The following TMEM63A variants were observed in gnomAD, a reference collection of about 807,000 sequenced individuals.
TMEM63A encodes the protein mechanosensitive cation channel TMEM63A.
TMEM63A carries 76 observed loss-of-function variants against 100.6 expected under a neutral mutation model. That is an observed-to-expected ratio of 0.76 (90% CI 0.63 to 0.91). TMEM63A has a LOEUF of 0.91. Ranked by LOEUF, TMEM63A falls within the 40% of genes least tolerant of loss-of-function variation. The probability of loss-of-function intolerance (pLI) is 0.00; values close to 1 mark genes in which losing one functional copy is unlikely to be tolerated. For missense variants in TMEM63A, 876 were observed against 1,008.8 expected (o/e 0.87, Z 1.78); for synonymous variants, 401 against 401.1 (o/e 1.00, Z 0.00).
At chr1:225,882,072 G>A (rs116269297) in intron 1 of TMEM63A, among the ~76,000 whole-genome samples, 2,518 of 152,354 alleles carry the variant, frequency 0.017, 69 homozygotes, top group African/African-American at 0.057. Context: ...AAAAGCCGGA[G>A]AGGAAAGTCC....
In TMEM63A at chr1:225,849,918, G is replaced by A. The variant is rs762379887; in HGVS notation, c.2065C>T (p.Arg689Cys). ...LFWLYFFSFL[R>C]LGMKAPATLF... ...GGTCAGAAGGGCTGCTCACCCAGGC[G>A]CAGGAAGGAAAAGAAGTAGAGCCAG... is the stretch of plus-strand genomic sequence containing the variant. The change falls in exon 21 of 25, where the codon CGC (arginine) becomes TGC (cysteine). Residue 689 changes from arginine (R) to cysteine (C), a missense_variant. This residue lies in a region of TMEM63A where 339 missense variants were observed against 342.3 expected (regional missense o/e 0.99). Coordinates refer to ENST00000366835, the MANE Select transcript of TMEM63A (RefSeq NM_014698.3). 1.2e-5 allele frequency: 19 copies of A among 1,613,744 alleles called. No homozygotes were observed. The highest frequency in any genetic ancestry group is 7.7e-5 in the South Asian group (7 of 91,056).
At position 225,853,718 on chromosome 1, in the gene TMEM63A, T is replaced by A. The variant is rs1325223958; in HGVS notation, c.1708A>T (p.Met570Leu). ...VIASAFIGNGMELLRLPGLIL... is the reference protein window; with the variant it reads ...VIASAFIGNGLELLRLPGLIL... ...AGACCTGGCAGCCGCAGCAGCTCCA[T>A]GCCATTGCCGATGAAGGCCGAGGCG... Residue 570 changes from methionine to leucine, a missense_variant, in exon 19 of 25, where the codon ATG becomes TTG. Met to Leu is a conservative substitution (Grantham distance 15, BLOSUM62 2). Around this residue, in one of 5 missense-constraint regions of TMEM63A, gnomAD observed 339 missense variants for 342.3 expected, o/e 0.99. Transcript: ENST00000366835. This position sits in a 1 kb window ranked among gnomAD's most constrained non-coding sequence, Gnocchi z 4.0. 12 of 1,601,104 alleles carry A rather than the reference T, an allele frequency of 7.5e-6. No individual in the cohort carries two copies. The highest frequency in any genetic ancestry group is 2.3e-5 in the East Asian group (1 of 44,428).
At chr1:225,847,400 G>C in intron 23 of TMEM63A, 187 bp from the exon 24 acceptor site, 1 of 653,498 alleles carries the variant, frequency 1.5e-6, no homozygotes, top group Non-Finnish European at 2.5e-6. Context: ...AGCAGCCAGG[G>C]CAAAAGAGAA....
chr1:225,880,475 A>G (rs1671035513), intron 1 of TMEM63A, among the ~76,000 whole-genome samples: 1 of 152,124 alleles, frequency 6.6e-6, no homozygotes, highest in Non-Finnish European at 1.5e-5. Context: ...AGCTGTATAG[A>G]GGAGGCCAAA....
chr1:225,872,068 AG>A lies in TMEM63A; in HGVS notation c.267-16del, dbSNP rs769013193. On this transcript the variant is annotated splice_polypyrimidine_tract_variant and intron_variant, in intron 4 of 24. Transcript: ENST00000366835. ...ATCTGGACTCGCTAGAGACACAAAA[AG>A]AAAAAAAATGACAGATAATTCTTAG... 3.2e-6 allele frequency: 5 copies of A among 1,583,752 alleles called. No individual in the cohort carries two copies. Among genetic ancestry groups the A allele is most frequent in the Middle Eastern group, 1.7e-4 (1 of 5,956 alleles).
Position 225,871,093 on chromosome 1 carries a change from A to G in TMEM63A, c.354T>C (p.Thr118=). The stretch of plus-strand genomic sequence containing the variant: ...GTACTCACTGCAGACGGAAGATGGC[A>G]GTCAGCCAGGGACAGCATCCCTGGA... The part of the protein sequence containing the change: ...ENELGCCPWL[T]AIFRLHDDQI... Residue 118 remains threonine (T), a synonymous_variant, in exon 6 of 25, where the codon ACT becomes ACC. Coordinates refer to ENST00000366835, the MANE Select transcript of TMEM63A (RefSeq NM_014698.3). 1.2e-6 allele frequency: 2 copies of G among 1,614,114 alleles called. No homozygotes were observed. Among genetic ancestry groups the G allele is most frequent in the Non-Finnish European group, 1.7e-6 (2 of 1,179,952 alleles).
downstream of TMEM63A, among the ~76,000 whole-genome samples, chr1:225,841,347 A>T (rs555619642): frequency 2.0e-5 from 3 of 152,068 alleles, no homozygotes; most frequent in Non-Finnish European, 4.4e-5. Flanking sequence ...CAGTGGTGTG[A>T]TCTCAGCTCA....
chr1:225,849,974 TG>T lies in TMEM63A; in HGVS notation c.2008del (p.Gln670ArgfsTer23), dbSNP rs1669237684. On this transcript the variant is annotated frameshift_variant, in exon 21 of 25. Transcript: ENST00000366835. LOFTEE classifies it high-confidence loss of function. ...EKGIHFAAVN[Q>X]ALAAPILCLF... is the part of the protein sequence containing the mutation. ...GCACAGGATGGGGGCTGCCAAGGCC[TG>T]GTTCACAGCGGCAAAGTGGATCCCC... The T allele has an allele frequency of 6.2e-7, 1 of 1,614,082 alleles. No individual in the cohort carries two copies. Among genetic ancestry groups the T allele is most frequent in the African/African-American group, 1.3e-5 (1 of 74,928 alleles).
Position 225,867,113 on chromosome 1 carries a change from C to CA in TMEM63A, c.564dup (p.Asp189Ter). On this transcript the variant is annotated frameshift_variant and splice_region_variant, in exon 8 of 25. Coordinates refer to ENST00000366835, the MANE Select transcript of TMEM63A (RefSeq NM_014698.3). LOFTEE classifies it high-confidence loss of function. This position sits in a 1 kb window ranked among gnomAD's most constrained non-coding sequence, Gnocchi z 4.6. ...TATCCCCACGGGCTCCATACTCACT[C>CA]AGTCTGTAGGTTTGCTATTGTTGTC... is the stretch of plus-strand genomic sequence containing the variant. The CA allele has an allele frequency of 6.2e-7, 1 of 1,614,162 alleles. No homozygotes were observed. The highest frequency in any genetic ancestry group is 1.1e-5 in the South Asian group (1 of 91,082).
chr1:225,868,319 T>C (rs1382880593), intron 6 of TMEM63A, among the ~76,000 whole-genome samples: 1 of 151,972 alleles, frequency 6.6e-6, no homozygotes, highest in Non-Finnish European at 1.5e-5. Flanking sequence ...GTTACGTGTG[T>C]GGGAAAGGTA....
At chr1:225,878,885 TACACACACAC>T (rs55792328) in intron 2 of TMEM63A, among the ~76,000 whole-genome samples, 4,473 of 139,576 alleles carry the variant, frequency 0.032, 221 homozygotes, top group African/African-American at 0.11. Context: ...CCTACCTACC[TACACACACAC>T]ACACACACAC....
intron 10 of TMEM63A, among the ~76,000 whole-genome samples, chr1:225,863,326 C>T (rs556670575): frequency 3.3e-5 from 5 of 152,256 alleles, no homozygotes; most frequent in Non-Finnish European, 5.9e-5. Flanking sequence ...GGATTGTAGG[C>T]GTGAGTCACT....
chr1:225,841,543 C>CA (rs1171360090), downstream of TMEM63A, among the ~76,000 whole-genome samples: 2 of 151,056 alleles, frequency 1.3e-5, no homozygotes, highest in Non-Finnish European at 2.9e-5. Context: ...CTCGGCCTCC[C>CA]AAAGTGCTGG....
Position 225,868,103 on chromosome 1 carries a change from C to T in TMEM63A, c.372-73G>A, listed in dbSNP as rs774126132. ...GGGCTCTGCATGAAGTGTCTCATAT[C>T]ATCCTCACCACACTCTTATGAGATG... On this transcript the variant is annotated intron_variant, in intron 6 of 24. Transcript: ENST00000366835. The T allele has an allele frequency of 1.7e-5, 26 of 1,567,270 alleles. No individual in the cohort carries two copies. The African/African-American group carries it at 3.0e-4, about 18-fold the overall frequency.
chr1:225,866,804 G>T, intron 8 of TMEM63A, 122 bp from the exon 9 acceptor site: 1 of 855,668 alleles, frequency 1.2e-6, no homozygotes, highest in Non-Finnish European at 1.9e-6. Flanking sequence ...CACTGCAAGA[G>T]ATGCCTCCCA....
At chr1:225,843,638 C>T (rs557546252), downstream of TMEM63A, among the ~76,000 whole-genome samples, 11 of 152,280 alleles carry the variant, frequency 7.2e-5, no homozygotes, top group East Asian at 1.3e-3. Context: ...GCTCTGGCCC[C>T]GGGTTACAGG....
At chr1:225,863,200 C>T (rs1559043577) in intron 10 of TMEM63A, 1 of 267,694 alleles carries the variant, frequency 3.7e-6, no homozygotes, top group Non-Finnish European at 7.3e-6. Context: ...GCTACAGGCA[C>T]ATGCCACCAG....
chr1:225,867,059 C>T lies in TMEM63A; in HGVS notation c.566+53G>A, dbSNP rs1340302837. On this transcript the variant is annotated intron_variant, in intron 8 of 24. Coordinates refer to ENST00000366835, the MANE Select transcript of TMEM63A (RefSeq NM_014698.3). The surrounding 1 kb of genome is among the most constrained non-coding windows in gnomAD (Gnocchi z 4.6). ...TGGCCTGCCCCGGGCTCCTGACCTG[C>T]CTTCTCCTTGATCTCACCCATCAGC... 10 of 1,604,278 alleles carry T rather than the reference C, an allele frequency of 6.2e-6. No homozygotes were observed. The highest frequency in any genetic ancestry group is 8.5e-6 in the Non-Finnish European group (10 of 1,171,114).
chr1:225,844,481 G>C, downstream of TMEM63A: 1 of 1,614,106 alleles, frequency 6.2e-7, no homozygotes, highest in East Asian at 2.2e-5. Context: ...GTGGGGCTTT[G>C]TGTTCTGCGT....
Sources: gnomAD v4.1 joint callset for allele counts (sites outside exome capture counted in the v4.1 genomes callset) on GRCh38, gnomAD v4.1.1 for gene constraint, gnomAD v4.1.1 regional missense constraint, Gnocchi (gnomAD v3.1) non-coding constraint, MANE v1.5 for transcripts, NCBI Gene and HGNC (gene_info 2026-07-23, HGNC 2026-07-21) for gene names.